TMEM177: variants seen among roughly 807,000 people sequenced by gnomAD.
TMEM177 encodes transmembrane protein 177.
In TMEM177, 4 loss-of-function variants were observed where a neutral mutation model predicts 14.2. The observed-to-expected ratio is 0.28, with a 90% CI of 0.14 to 0.64. The LOEUF is 0.64. Ranked by LOEUF, TMEM177 falls within the 30% of genes least tolerant of loss-of-function variation. TMEM177 has a pLI of 0.82. For missense variants in TMEM177, 344 were observed against 405.2 expected, an observed-to-expected ratio of 0.85 and a Z score of 1.30; for synonymous variants, 179 against 174.5, an observed-to-expected ratio of 1.03 and a Z score of -0.20.
chr2:119,708,567 C>T, the TMEM177 span, among the ~76,000 whole-genome samples: 1 of 152,090 alleles, frequency 6.6e-6, no homozygotes. Flanking sequence ...ACAAGGTTCA[C>T]ACATTGCATT....
At chr2:119,680,280 A>G (rs554260775) in intron 1 of TMEM177, among the ~76,000 whole-genome samples, 29 of 152,318 alleles carry the variant, frequency 1.9e-4, no homozygotes, top group Non-Finnish European at 3.7e-4. Flanking sequence ...CTGTCACTTC[A>G]CTAGCTTAGG....
At chr2:119,686,671 A>G (rs182307789), downstream of TMEM177, among the ~76,000 whole-genome samples, 2,132 of 149,952 alleles carry the variant, frequency 0.014, 22 homozygotes, top group Non-Finnish European at 0.021. Context: ...GACTCAATCA[A>G]CCCTCCCACC....
chr2:119,680,363 G>T (rs1164271958), intron 1 of TMEM177, among the ~76,000 whole-genome samples: 1 of 152,142 alleles, frequency 6.6e-6, no homozygotes, highest in African/African-American at 2.4e-5. Flanking sequence ...GGTTGTGAGG[G>T]TTCAATCGGT....
chr2:119,721,306 G>A, the TMEM177 span, among the ~76,000 whole-genome samples: 6 of 152,352 alleles, frequency 3.9e-5, no homozygotes, highest in African/African-American at 1.4e-4. Context: ...GGATGTTGAA[G>A]CTCAGTGGAT....
In TMEM177 at chr2:119,681,973, A is replaced by T. The variant is rs1279397218; in HGVS notation, c.*184A>T. ...ACTCAGGGACTATGAGGGACTATTC[A>T]GGGGCTATGAATCTGAGCCTTTGTT... On this transcript the variant is annotated 3_prime_UTR_variant, in exon 2 of 2. Coordinates refer to ENST00000272521, the MANE Select transcript of TMEM177 (RefSeq NM_030577.3). 1 of 603,814 alleles carries T rather than the reference A, an allele frequency of 1.7e-6. No homozygotes were observed. Among genetic ancestry groups the T allele is most frequent in the Non-Finnish European group, 3.0e-6 (1 of 336,956 alleles). 37.4% of individuals were successfully genotyped at this position (603,814 alleles called of 1,614,324 possible). A position where few individuals can be genotyped will look rare whatever the true frequency, so the allele number is the denominator to read the frequency against.
the TMEM177 span, among the ~76,000 whole-genome samples, chr2:119,698,266 T>G: frequency 1.3e-5 from 2 of 151,980 alleles, no homozygotes; most frequent in Non-Finnish European, 2.9e-5. Flanking sequence ...AGGAAGGGGG[T>G]CAAAGTGTTC....
At chr2:119,698,163 G>A in the TMEM177 span, among the ~76,000 whole-genome samples, 1 of 152,142 alleles carries the variant, frequency 6.6e-6, no homozygotes, top group Non-Finnish European at 1.5e-5. Context: ...GCCCTCAGAA[G>A]AACAGATGAA....
chr2:119,686,337 G>A (rs1267496213), downstream of TMEM177: 1 of 152,218 alleles, frequency 6.6e-6, no homozygotes, highest in African/African-American at 2.4e-5. Flanking sequence ...TCTTGGAGTT[G>A]CTGCCCAAAT....
At chr2:119,697,207 G>C in the TMEM177 span, among the ~76,000 whole-genome samples, 2 of 152,184 alleles carry the variant, frequency 1.3e-5, no homozygotes, top group African/African-American at 4.8e-5. Flanking sequence ...GCAGGGTCAG[G>C]GTCTGCCTCC....
At chr2:119,699,261 A>T in the TMEM177 span, among the ~76,000 whole-genome samples, 1 of 152,174 alleles carries the variant, frequency 6.6e-6, no homozygotes, top group East Asian at 1.9e-4. Context: ...TTATTCAACA[A>T]GATGGCAGGA....
At chr2:119,719,669 G>A in the TMEM177 span, among the ~76,000 whole-genome samples, 1 of 152,190 alleles carries the variant, frequency 6.6e-6, no homozygotes, top group Non-Finnish European at 1.5e-5. Flanking sequence ...AAACAGCTGA[G>A]GTCTCCAGTC....
downstream of TMEM177, chr2:119,685,660 A>G: frequency 1.4e-6 from 1 of 717,740 alleles, no homozygotes; most frequent in African/African-American, 1.7e-5. Context: ...TTTTACAGGA[A>G]AGGGAACATC....
the TMEM177 span, among the ~76,000 whole-genome samples, chr2:119,691,821 G>C: frequency 6.6e-6 from 1 of 152,198 alleles, no homozygotes; most frequent in Non-Finnish European, 1.5e-5. Flanking sequence ...TCTGGATTAG[G>C]CTCCTCTGAA....
chr2:119,705,405 GTCTTACAGACTC>G, the TMEM177 span, among the ~76,000 whole-genome samples: 1 of 152,160 alleles, frequency 6.6e-6, no homozygotes, highest in Non-Finnish European at 1.5e-5. Flanking sequence ...GGTCTCCCAA[GTCTTACAGACTC>G]ATTCAGATTG....
chr2:119,714,495 G>A, the TMEM177 span, among the ~76,000 whole-genome samples: 1 of 152,184 alleles, frequency 6.6e-6, no homozygotes, highest in Non-Finnish European at 1.5e-5. Context: ...CCGTGGCCCT[G>A]AGAAAAATAT....
At position 119,681,522 on chromosome 2, in the gene TMEM177, C is replaced by T. The variant is rs142677253; in HGVS notation, c.669C>T (p.Leu223=). ...FVAYAFSQDS[L]THAVESWLDR... ...CCTACGCCTTCTCCCAGGATTCTCT[C>T]ACTCATGCCGTGGAGTCCTGGCTGG... The change falls in exon 2 of 2, where the codon CTC becomes CTT. Residue 223 remains leucine (L), a synonymous_variant. Coordinates refer to ENST00000272521, the MANE Select transcript of TMEM177 (RefSeq NM_030577.3). The T allele has an allele frequency of 6.2e-7, 1 of 1,613,966 alleles. No homozygotes were observed. The highest frequency in any genetic ancestry group is 1.3e-5 in the African/African-American group (1 of 74,956).
chr2:119,688,978 A>C (rs565873694), downstream of TMEM177, among the ~76,000 whole-genome samples: 1 of 152,310 alleles, frequency 6.6e-6, no homozygotes, highest in East Asian at 1.9e-4. Flanking sequence ...CTCCTCCAGT[A>C]GGTGACTGTG....
chr2:119,718,182 A>G, the TMEM177 span, among the ~76,000 whole-genome samples: 6 of 152,318 alleles, frequency 3.9e-5, no homozygotes, highest in East Asian at 1.9e-4. Context: ...AGAGTTTAGA[A>G]TCTCAGTTTA....
chr2:119,712,562 G>A, the TMEM177 span, among the ~76,000 whole-genome samples: 7 of 152,106 alleles, frequency 4.6e-5, no homozygotes, highest in Non-Finnish European at 1.0e-4. Flanking sequence ...CGGCAAGAAG[G>A]GGGCATCCAC....
Sources: allele counts gnomAD v4.1 joint callset (sites outside exome capture counted in the v4.1 genomes callset), GRCh38; gene constraint gnomAD v4.1.1; transcripts MANE v1.5; gene names NCBI Gene and HGNC (gene_info 2026-07-23, HGNC 2026-07-21).